Variants in ULK4 observed in about 807,000 individuals in gnomAD.
ULK4 encodes unc-51 like kinase 4, also known as inactive serine/threonine-protein kinase ULK4.
In ULK4, 133 loss-of-function variants were observed where a neutral mutation model predicts 160.6. That is an observed-to-expected ratio of 0.83 (90% CI 0.72 to 0.96). The LOEUF is 0.96. ULK4 is among the 40% of genes least tolerant of loss of function. ULK4 has a pLI of 0.00. For missense variants in ULK4, 1,580 were observed against 1,499.5 expected (o/e 1.05, Z -0.89); for synonymous variants, 534 against 539.8 (o/e 0.99, Z 0.15).
At chr3:41,874,324 C>T (rs367678868) in intron 17 of ULK4, among the ~76,000 whole-genome samples, 1 of 152,118 alleles carries the variant, frequency 6.6e-6, no homozygotes. Context: ...TTTAGAGTTT[C>T]CAAAAGCACA....
chr3:41,302,814 T>C (rs2079826378), intron 35 of ULK4, among the ~76,000 whole-genome samples: 1 of 152,216 alleles, frequency 6.6e-6, no homozygotes, highest in African/African-American at 2.4e-5. Flanking sequence ...ACTTCAGTGA[T>C]CTATGTTAGC....
chr3:41,924,580 T>C (rs1699312536), intron 5 of ULK4, among the ~76,000 whole-genome samples: 1 of 152,228 alleles, frequency 6.6e-6, no homozygotes, highest in Non-Finnish European at 1.5e-5. Flanking sequence ...ATTGACCTTG[T>C]TTTCTATAAA....
At chr3:41,424,480 A>G (rs894253635) in intron 34 of ULK4, among the ~76,000 whole-genome samples, 4 of 152,082 alleles carry the variant, frequency 2.6e-5, no homozygotes, top group Non-Finnish European at 4.4e-5. Context: ...GGAGCCCCCA[A>G]CAGAGGTTGC....
chr3:41,461,923 G>A (rs2125877697), intron 33 of ULK4, among the ~76,000 whole-genome samples: 1 of 152,206 alleles, frequency 6.6e-6, no homozygotes, highest in Middle Eastern at 3.4e-3. Flanking sequence ...AGAATGGAGA[G>A]GAAAAGATAG....
At chr3:41,811,056 A>C (rs577892447) in intron 19 of ULK4, among the ~76,000 whole-genome samples, 1 of 150,362 alleles carries the variant, frequency 6.7e-6, no homozygotes, top group Non-Finnish European at 1.5e-5. Flanking sequence ...GCTAATTTTA[A>C]ATTTTTTTTT....
intron 22 of ULK4, among the ~76,000 whole-genome samples, chr3:41,746,272 CAAAAAAAAAAAA>C (rs34582395): frequency 2.2e-5 from 1 of 45,718 alleles, no homozygotes; most frequent in South Asian, 6.8e-4. Context: ...CTGGAACCCA[CAAAAAAAAAAAA>C]AAAAAAAAAA....
At position 41,290,636 on chromosome 3, in the gene ULK4, C is replaced by T. The variant is rs1013576838; in HGVS notation, c.3679-41062G>A. On this transcript the variant is annotated intron_variant, in intron 35 of 36. Transcript: ENST00000301831. ...CCAGTAACTGGACTGAACTGTATTG[C>T]GGGGGCACTCAGCGGCTAGGAGGCA... 3.9e-5 allele frequency among the ~76,000 whole-genome samples: 6 copies of T among 152,058 alleles called. 1 individual carries two copies. In the South Asian group the frequency reaches 6.2e-4, roughly 16 times the overall value.
Position 41,563,591 on chromosome 3 carries a change from G to A in ULK4, c.3226+2434C>T, listed in dbSNP as rs543983425. ...CTTTTTTCTCTAAACTTGTCTTCTC[G>A]CTTTATTTCATTAATTTGACCTTCA... On this transcript the variant is annotated intron_variant, in intron 32 of 36. Coordinates refer to ENST00000301831, the MANE Select transcript of ULK4 (RefSeq NM_017886.4). Among the ~76,000 whole-genome samples the A allele has an allele frequency of 1.2e-4, 18 of 152,048 alleles. No individual in the cohort carries two copies. In the East Asian group the frequency reaches 2.5e-3, roughly 21 times the overall value.
At chr3:41,760,050 G>GA (rs1313909013) in intron 21 of ULK4, among the ~76,000 whole-genome samples, 3 of 152,012 alleles carry the variant, frequency 2.0e-5, no homozygotes, top group African/African-American at 7.2e-5. Context: ...CATACTGACA[G>GA]AAAATATTTG....
chr3:41,766,952 TG>T (rs1194773787), intron 21 of ULK4: 1 of 152,230 alleles, frequency 6.6e-6, no homozygotes, highest in South Asian at 2.1e-4. Context: ...AAAGAGCTAC[TG>T]GAAGTTTTTG....
At chr3:41,328,392 G>C (rs1451217675) in intron 35 of ULK4, among the ~76,000 whole-genome samples, 3 of 152,232 alleles carry the variant, frequency 2.0e-5, no homozygotes, top group African/African-American at 7.2e-5. Context: ...CGCATTTTCA[G>C]AGGGATGCAA....
chr3:41,810,490 G>A (rs2040788293), intron 19 of ULK4, among the ~76,000 whole-genome samples: 1 of 152,096 alleles, frequency 6.6e-6, no homozygotes, highest in Non-Finnish European at 1.5e-5. Flanking sequence ...CAAGAATGTG[G>A]TCTGTTCTAT....
intron 35 of ULK4, among the ~76,000 whole-genome samples, chr3:41,324,687 G>C (rs1226870038): frequency 1.3e-5 from 2 of 152,092 alleles, no homozygotes; most frequent in Non-Finnish European, 2.9e-5. Context: ...AAGCATGATG[G>C]GGGAACAACA....
In ULK4 at chr3:41,574,531, C is replaced by CTTTTTTTTTT. The variant is rs568406782; in HGVS notation, c.3121-8411_3121-8402dup. Among the ~76,000 whole-genome samples, 6 of 92,170 alleles carry CTTTTTTTTTT rather than the reference C, an allele frequency of 6.5e-5. 1 individual carries two copies. The highest frequency in any genetic ancestry group is 8.7e-5 in the Non-Finnish European group (4 of 45,758). The allele number at this position is 92,170 out of a possible 152,430, so 60.5% of individuals were successfully genotyped here. On this transcript the variant is annotated intron_variant, in intron 31 of 36. Transcript: ENST00000301831. ...CCTCCACTACTGCTACCAGAGTCCT[C>CTTTTTTTTTT]TTTTTTTTTTTTTTTTTTTTTTTTT...
chr3:41,363,928 C>CTTTTTTT (rs201380727), intron 35 of ULK4, among the ~76,000 whole-genome samples: 7 of 135,210 alleles, frequency 5.2e-5, no homozygotes, highest in African/African-American at 1.4e-4. Context: ...TCCAAATTCT[C>CTTTTTTT]TCTCTTTTTT....
In ULK4 at chr3:41,892,989, C is replaced by T. The variant is rs549526976; in HGVS notation, c.1577+2529G>A. On this transcript the variant is annotated intron_variant, in intron 16 of 36. Transcript: ENST00000301831. ...ACCCAATTGAAGCCTTCTTCCCTAG[C>T]AACACTCATTGTCTCCGTGATTGGC... is the stretch of plus-strand genomic sequence containing the variant. Among the ~76,000 whole-genome samples the T allele has an allele frequency of 2.6e-5, 4 of 152,348 alleles. No homozygotes were observed. The East Asian group carries it at 7.7e-4, about 29-fold the overall frequency.
At chr3:41,753,997 G>C (rs2038711592) in intron 22 of ULK4, among the ~76,000 whole-genome samples, 1 of 152,116 alleles carries the variant, frequency 6.6e-6, no homozygotes, top group South Asian at 2.1e-4. Context: ...GATGTGGTGA[G>C]ACTCACTCAT....
At chr3:41,362,627 A>G (rs2081169456) in intron 35 of ULK4, among the ~76,000 whole-genome samples, 1 of 152,198 alleles carries the variant, frequency 6.6e-6, no homozygotes, top group South Asian at 2.1e-4. Flanking sequence ...GGTTAATAGT[A>G]TCTCCTCTCA....
At chr3:41,950,491 C>T (rs1236967375) in intron 2 of ULK4, among the ~76,000 whole-genome samples, 1 of 152,124 alleles carries the variant, frequency 6.6e-6, no homozygotes, top group African/African-American at 2.4e-5. Flanking sequence ...GATCCGCCCA[C>T]CTCAGCCTCC....
Sources: allele counts gnomAD v4.1 joint callset (sites outside exome capture counted in the v4.1 genomes callset), GRCh38; gene constraint gnomAD v4.1.1; transcripts MANE v1.5; gene names NCBI Gene and HGNC (gene_info 2026-07-23, HGNC 2026-07-21).